PAX5: variants seen among roughly 807,000 people sequenced by gnomAD.
PAX5 encodes the protein paired box 5, also known as paired box protein Pax-5.
PAX5 carries 9 observed loss-of-function variants against 43.7 expected under a neutral mutation model. That is an observed-to-expected ratio of 0.21 (90% CI 0.12 to 0.36). PAX5 has a LOEUF of 0.36. Ranked by LOEUF, PAX5 falls within the 10% of genes least tolerant of loss-of-function variation. The pLI is 1.00. For missense variants in PAX5, 383 were observed against 532.7 expected, an observed-to-expected ratio of 0.72 and a Z score of 2.77; for synonymous variants, 228 against 214.3, an observed-to-expected ratio of 1.06 and a Z score of -0.56.
chr9:36,981,262 G>A (rs927781976), intron 5 of PAX5, among the ~76,000 whole-genome samples: 1 of 148,260 alleles, frequency 6.7e-6, no homozygotes, highest in Non-Finnish European at 1.5e-5. Context: ...AGAACAGCAT[G>A]CTGCTTATTT....
intron 7 of PAX5, among the ~76,000 whole-genome samples, chr9:36,903,785 A>C (rs1229469622): frequency 6.6e-6 from 1 of 152,138 alleles, no homozygotes; most frequent in African/African-American, 2.4e-5. Flanking sequence ...CTTCAATCAG[A>C]TATCACCCAA....
chr9:36,959,948 T>C (rs898148805), intron 6 of PAX5, among the ~76,000 whole-genome samples: 14 of 152,206 alleles, frequency 9.2e-5, no homozygotes, highest in African/African-American at 3.4e-4. Context: ...TTGTTGTGAC[T>C]TGGTAATGAG....
At chr9:37,027,505 G>T (rs1429807741) in intron 1 of PAX5, among the ~76,000 whole-genome samples, 2 of 152,234 alleles carry the variant, frequency 1.3e-5, no homozygotes, top group East Asian at 1.9e-4. Flanking sequence ...CCCCAGGCGT[G>T]GAGTGAGGAA....
chr9:36,863,881 T>C (rs547255035), intron 8 of PAX5, among the ~76,000 whole-genome samples: 88 of 152,256 alleles, frequency 5.8e-4, no homozygotes, highest in Admixed American at 1.2e-3. Context: ...GAGGCTAAGG[T>C]GGGCGGATCA....
At chr9:36,982,913 A>T (rs148157548) in intron 5 of PAX5, among the ~76,000 whole-genome samples, 1 of 152,322 alleles carries the variant, frequency 6.6e-6, no homozygotes, top group East Asian at 1.9e-4. Flanking sequence ...GTCGGTAAGC[A>T]TGATCAGATC....
intron 7 of PAX5, among the ~76,000 whole-genome samples, chr9:36,916,057 G>GA (rs5897663): frequency 2.1e-5 from 3 of 144,652 alleles, no homozygotes; most frequent in Admixed American, 6.9e-5. Flanking sequence ...AAGTGAGATT[G>GA]AAAAAAAAAA....
chr9:36,957,740 C>G (rs925248822), intron 6 of PAX5, among the ~76,000 whole-genome samples: 4 of 152,196 alleles, frequency 2.6e-5, no homozygotes, highest in African/African-American at 9.7e-5. Context: ...AACAAAAGCG[C>G]ATCCAGCCTA....
chr9:36,901,918 G>T (rs906442425), intron 7 of PAX5, among the ~76,000 whole-genome samples: 3 of 152,132 alleles, frequency 2.0e-5, no homozygotes, highest in African/African-American at 7.2e-5. Context: ...TGCAAAGAAG[G>T]CATTAGCATA....
intron 8 of PAX5, among the ~76,000 whole-genome samples, chr9:36,877,993 T>C (rs1232316492): frequency 6.6e-6 from 1 of 152,132 alleles, no homozygotes; most frequent in African/African-American, 2.4e-5. Flanking sequence ...TGAAAACTCC[T>C]GCCTTGGAGC....
chr9:36,875,899 A>G (rs183162564), intron 8 of PAX5, among the ~76,000 whole-genome samples: 61 of 152,376 alleles, frequency 4.0e-4, no homozygotes, highest in Middle Eastern at 3.4e-3. Context: ...ACTTCAGCCC[A>G]GTGAGACCTA....
At chr9:36,972,179 C>G (rs1363526405) in intron 5 of PAX5, among the ~76,000 whole-genome samples, 1 of 152,268 alleles carries the variant, frequency 6.6e-6, no homozygotes, top group Non-Finnish European at 1.5e-5. Flanking sequence ...AGCCTCCAGC[C>G]TTTCTCAGAG....
At position 36,846,853 on chromosome 9, in the gene PAX5, C is replaced by T. The variant is rs143965433; in HGVS notation, c.1089G>A (p.Pro363=). The T allele has an allele frequency of 1.5e-5, 24 of 1,613,700 alleles. No individual in the cohort carries two copies. Among genetic ancestry groups the T allele is most frequent in the South Asian group, 7.7e-5 (7 of 91,068 alleles). The part of the protein sequence containing the change: ...SYNDSWRFPN[P]GLLGSPYYYS... Reference sequence around the variant, plus strand: ...TCCGCCAGTACTCACCAAGCAGCCCCGGGTTGGGGAACCTCCAGGAGTCGT... The same window carrying T: ...TCCGCCAGTACTCACCAAGCAGCCCTGGGTTGGGGAACCTCCAGGAGTCGT... The change falls in exon 9 of 10, where the codon CCG becomes CCA. Residue 363 remains proline, a synonymous_variant. Transcript: ENST00000358127.
intron 8 of PAX5, among the ~76,000 whole-genome samples, chr9:36,858,452 G>C (rs188338987): frequency 7.9e-5 from 12 of 152,276 alleles, no homozygotes; most frequent in Admixed American, 7.8e-4. Context: ...GTGGGAAACA[G>C]ACAAGATTGG....
chr9:36,944,228 C>G (rs981014612), intron 6 of PAX5, among the ~76,000 whole-genome samples: 2 of 152,110 alleles, frequency 1.3e-5, no homozygotes, highest in African/African-American at 4.8e-5. Flanking sequence ...TTGGACCCAA[C>G]AACAAACACA....
At chr9:37,003,744 A>C (rs1454579246) in intron 4 of PAX5, among the ~76,000 whole-genome samples, 1 of 152,158 alleles carries the variant, frequency 6.6e-6, no homozygotes, top group Non-Finnish European at 1.5e-5. Context: ...GGCTGAGGCA[A>C]GAGGATCACT....
chr9:36,958,554 C>G (rs796467230), intron 6 of PAX5, among the ~76,000 whole-genome samples: 6 of 152,048 alleles, frequency 3.9e-5, no homozygotes, highest in Non-Finnish European at 8.8e-5. Flanking sequence ...GGCAATACTA[C>G]GGACTGGAGA....
At chr9:37,017,633 C>G (rs1839493323) in intron 2 of PAX5, among the ~76,000 whole-genome samples, 1 of 152,236 alleles carries the variant, frequency 6.6e-6, no homozygotes, top group Non-Finnish European at 1.5e-5. Flanking sequence ...TTGAATGGGA[C>G]TGCAACATTC....
At chr9:37,033,881 G>C in intron 1 of PAX5, 105 bp downstream of exon 1, 1 of 948,746 alleles carries the variant, frequency 1.1e-6, no homozygotes. Context: ...CAGTCTCTAC[G>C]AAAATGCGGC....
At chr9:36,970,622 G>C (rs1268379253) in intron 5 of PAX5, among the ~76,000 whole-genome samples, 1 of 152,194 alleles carries the variant, frequency 6.6e-6, no homozygotes, top group Non-Finnish European at 1.5e-5. Context: ...GGAGGTAGGA[G>C]CTTGCATTTG....
Sources: gnomAD v4.1 joint callset for allele counts (sites outside exome capture counted in the v4.1 genomes callset) on GRCh38, gnomAD v4.1.1 for gene constraint, MANE v1.5 for transcripts, NCBI Gene and HGNC (gene_info 2026-07-23, HGNC 2026-07-21) for gene names.